Variants in NRG1 observed in about 807,000 individuals in gnomAD.
The protein encoded by NRG1 is pro-neuregulin-1, membrane-bound isoform.
NRG1 carries 18 observed loss-of-function variants against 63.8 expected under a neutral mutation model. That is an observed-to-expected ratio of 0.28 (90% CI 0.19 to 0.42). The LOEUF is 0.42. NRG1 is among the 10% of genes least tolerant of loss of function. The pLI is 1.00. For missense variants in NRG1, 762 were observed against 814.7 expected, an observed-to-expected ratio of 0.94 and a Z score of 0.79; for synonymous variants, 302 against 301.3, an observed-to-expected ratio of 1.00 and a Z score of -0.02.
intron 1 of NRG1, among the ~76,000 whole-genome samples, chr8:31,960,258 T>C (rs1400402486): frequency 6.6e-6 from 1 of 152,142 alleles, no homozygotes. Context: ...GGGGTGGCAG[T>C]GTTGTTATTC....
intron 1 of NRG1, among the ~76,000 whole-genome samples, chr8:31,826,618 ATCC>A (rs140792222): frequency 0.042 from 6,462 of 152,240 alleles, 241 homozygotes; most frequent in Non-Finnish European, 0.06. Flanking sequence ...TTTACTACCT[ATCC>A]TCCTCCTGGC....
intron 1 of NRG1, among the ~76,000 whole-genome samples, chr8:31,715,778 A>G (rs188856493): frequency 5.9e-5 from 9 of 152,292 alleles, no homozygotes; most frequent in African/African-American, 2.2e-4. Flanking sequence ...GTTATTCTAC[A>G]TGAGAAAATG....
chr8:32,702,884 G>A (rs1339202212), intron 5 of NRG1, among the ~76,000 whole-genome samples: 1 of 152,112 alleles, frequency 6.6e-6, no homozygotes, highest in Non-Finnish European at 1.5e-5. Flanking sequence ...TGTTTTTATT[G>A]TCTTACAGTC....
intron 1 of NRG1, among the ~76,000 whole-genome samples, chr8:31,890,601 G>C (rs1051517352): frequency 1.3e-5 from 2 of 152,086 alleles, no homozygotes; most frequent in African/African-American, 4.8e-5. Context: ...AGAATGAAAG[G>C]CCCAAATAAT....
rs558110143 is a variant in NRG1 at position 32,430,636 on chromosome 8, T to A, written c.38-165192T>A. On this transcript the variant is annotated intron_variant, in intron 1 of 10. Coordinates refer to the NRG1 transcript ENST00000519301. ...CGTTCAACACTGAAAATGAGGACTG[T>A]GCATTTCCTTTTGTCTAAATGATGA... 2.0e-5 allele frequency among the ~76,000 whole-genome samples: 3 copies of A among 152,308 alleles called. No homozygotes were observed. The East Asian group carries it at 5.8e-4, about 29-fold the overall frequency.
chr8:32,019,228 A>G (rs1816053849), intron 1 of NRG1, among the ~76,000 whole-genome samples: 1 of 152,152 alleles, frequency 6.6e-6, no homozygotes, highest in Non-Finnish European at 1.5e-5. Context: ...CCTCCCGAGT[A>G]GCTGGGACTA....
rs182931196 is a variant in NRG1, at chr8:31,664,157, C to T, written c.37+24726C>T. Reference sequence around the variant, plus strand: ...AACCACATACCCTCTTCACGGTTCCCCTCCTTCCTTCTCCAACAGGGAAAG... The same window carrying T: ...AACCACATACCCTCTTCACGGTTCCTCTCCTTCCTTCTCCAACAGGGAAAG... On this transcript the variant is annotated intron_variant, in intron 1 of 10. Coordinates refer to the NRG1 transcript ENST00000519301. Among the ~76,000 whole-genome samples, 290 of 152,314 alleles carry T rather than the reference C, an allele frequency of 1.9e-3. 1 individual carries two copies. The highest frequency in any genetic ancestry group is 1.8e-3 in the Non-Finnish European group (125 of 68,026).
At chr8:32,238,835 A>C (rs1847830248) in intron 1 of NRG1, among the ~76,000 whole-genome samples, 1 of 152,214 alleles carries the variant, frequency 6.6e-6, no homozygotes. Context: ...TAGGTCCTAC[A>C]GAAATCACTG....
chr8:32,749,247 C>T (rs1356220356), intron 7 of NRG1: 1 of 352,598 alleles, frequency 2.8e-6, no homozygotes. Context: ...ATAATCTTTC[C>T]ATTCCCACAC....
At position 32,609,692 on chromosome 8, in the gene NRG1, C is replaced by T. The variant is rs752416720; in HGVS notation, c.400+4009C>T. On this transcript the variant is annotated intron_variant, in intron 3 of 11. Transcript: ENST00000356819. ...TTTTTTTTTTTTTTAAATGGTGTTT[C>T]GCTGTGTCACCTAGGCTGGAGTGCA... 2.4e-3 allele frequency among the ~76,000 whole-genome samples: 299 copies of T among 122,128 alleles called. 2 individuals are homozygous for T. Among genetic ancestry groups the T allele is most frequent in the Non-Finnish European group, 3.8e-3 (230 of 61,106 alleles). 80.1% of individuals were successfully genotyped at this position (122,128 alleles called of 152,430 possible).
chr8:32,503,712 G>A (rs902739782), intron 1 of NRG1, among the ~76,000 whole-genome samples: 2 of 152,144 alleles, frequency 1.3e-5, no homozygotes, highest in African/African-American at 4.8e-5. Context: ...CGGGTATGCA[G>A]CATCCTTACA....
chr8:32,455,574 T>C (rs1166136980), intron 1 of NRG1, among the ~76,000 whole-genome samples: 2 of 152,162 alleles, frequency 1.3e-5, no homozygotes, highest in African/African-American at 4.8e-5. Flanking sequence ...AGGCACAGCT[T>C]AAGACACAAG....
chr8:31,782,068 A>T (rs1394714878), intron 1 of NRG1, among the ~76,000 whole-genome samples: 1 of 152,058 alleles, frequency 6.6e-6, no homozygotes, highest in African/African-American at 2.4e-5. Context: ...TTTCACTGCA[A>T]TTGGTACATG....
intron 1 of NRG1, among the ~76,000 whole-genome samples, chr8:31,917,242 G>T (rs1260192165): frequency 8.2e-6 from 1 of 122,538 alleles, no homozygotes; most frequent in Non-Finnish European, 1.7e-5. Context: ...GGCTTTTGTT[G>T]ACATTGCTTT....
In NRG1 at chr8:32,322,355, T is replaced by TTATATATA. The variant is rs149742517; in HGVS notation, c.38-273458_38-273451dup. Among the ~76,000 whole-genome samples the TTATATATA allele has an allele frequency of 2.7e-3, 391 of 142,642 alleles. 1 individual carries two copies. The highest frequency in any genetic ancestry group is 8.4e-3 in the African/African-American group (319 of 38,040). The allele number at this position is 142,642 out of a possible 152,430, so 93.6% of individuals were successfully genotyped here. On this transcript the variant is annotated intron_variant, in intron 1 of 10. Transcript: ENST00000519301. The stretch of plus-strand genomic sequence containing the variant: ...AACCTTATTTAAGTGCAACCTTATT[T>TTATATATA]TATATATATATATATATATATACCC...
chr8:32,484,253 C>T (rs1294459494), intron 1 of NRG1, among the ~76,000 whole-genome samples: 1 of 152,166 alleles, frequency 6.6e-6, no homozygotes. Context: ...TGGTAGGCTA[C>T]TAAAATGCCC....
chr8:32,598,664 G>T (rs2439286), intron 2 of NRG1, among the ~76,000 whole-genome samples: 3 of 151,920 alleles, frequency 2.0e-5, no homozygotes, highest in South Asian at 2.1e-4. Context: ...TAAATCACTC[G>T]CAGCAAAGCA....
chr8:32,236,583 A>G (rs899994532), intron 1 of NRG1, among the ~76,000 whole-genome samples: 8 of 152,164 alleles, frequency 5.3e-5, no homozygotes, highest in Admixed American at 2.6e-4. Context: ...TTATTAGATC[A>G]TCAGTTCACT....
chr8:32,359,351 AG>A (rs1471170195), intron 1 of NRG1, among the ~76,000 whole-genome samples: 1 of 152,196 alleles, frequency 6.6e-6, no homozygotes, highest in Non-Finnish European at 1.5e-5. Flanking sequence ...ACAATCAGTT[AG>A]TAGTATATAT....
Sources: allele counts gnomAD v4.1 joint callset (sites outside exome capture counted in the v4.1 genomes callset), GRCh38; gene constraint gnomAD v4.1.1; transcripts MANE v1.5; gene names NCBI Gene and HGNC (gene_info 2026-07-23, HGNC 2026-07-21).